Variants in KTN1 observed in about 807,000 individuals in gnomAD.
The protein encoded by KTN1 is kinectin.
In KTN1, 130 loss-of-function variants were observed where a neutral mutation model predicts 222.5. That is an observed-to-expected ratio of 0.58 (90% CI 0.51 to 0.68). The LOEUF (loss-of-function observed/expected upper bound fraction) is 0.68. KTN1 is among the 30% of genes least tolerant of loss of function. The pLI is 0.00. For synonymous variants in KTN1, 512 were observed against 496.3 expected (o/e 1.03, Z -0.42); for missense variants, 1,508 against 1,500.4 (o/e 1.01, Z -0.08).
chr14:55,621,035 G>A (rs542586166), intron 5 of KTN1, among the ~76,000 whole-genome samples: 6 of 152,126 alleles, frequency 3.9e-5, no homozygotes, highest in East Asian at 3.9e-4. Flanking sequence ...AATTTCTTCC[G>A]CCAGAGACCC....
In KTN1 at chr14:55,650,360, T is replaced by C; in HGVS notation, c.2438T>C (p.Val813Ala). 1 of 1,610,742 alleles carries C rather than the reference T, an allele frequency of 6.2e-7. No individual in the cohort carries two copies. The highest frequency in any genetic ancestry group is 8.5e-7 in the Non-Finnish European group (1 of 1,178,734). Residue 813 changes from valine (V) to alanine (A), a missense_variant, in exon 23 of 44, where the codon GTA becomes GCA. Physicochemically the swap from Val to Ala is moderately conservative, Grantham distance 64. Coordinates refer to ENST00000395314, the MANE Select transcript of KTN1 (RefSeq NM_001079521.2). ...IHEKDGKIKSVEELLEAELLK... is the reference protein window; with the variant it reads ...IHEKDGKIKSAEELLEAELLK... ...GAGAAAGATGGAAAGATCAAGTCTG[T>C]AGAAGAGCTTCTGGAGGCAGAACTT... is the stretch of plus-strand genomic sequence containing the variant.
intron 2 of KTN1, among the ~76,000 whole-genome samples, chr14:55,613,864 TAAAA>T (rs559496555): frequency 5.3e-5 from 8 of 151,982 alleles, no homozygotes; most frequent in African/African-American, 1.9e-4. Context: ...CGTAAGCCAG[TAAAA>T]AAAATGTGGT....
chr14:55,652,784 C>CT (rs1003098624), intron 25 of KTN1, 66 bp from the exon 26 acceptor site: 4 of 1,077,380 alleles, frequency 3.7e-6, no homozygotes, highest in East Asian at 2.4e-5. Flanking sequence ...TTTTCAGTGT[C>CT]TAAGATTTTT....
intron 25 of KTN1, among the ~76,000 whole-genome samples, chr14:55,652,332 G>T (rs186385406): frequency 8.6e-5 from 13 of 150,370 alleles, no homozygotes; most frequent in African/African-American, 2.9e-4. Flanking sequence ...TTCAGTGATA[G>T]AATGGTTTTC....
At position 55,618,032 on chromosome 14, in the gene KTN1, C is replaced by T; in HGVS notation, c.730C>T (p.Pro244Ser). The change falls in exon 4 of 44, where the codon CCT becomes TCT. Residue 244 changes from proline (P) to serine (S), a missense_variant. Transcript: ENST00000395314. ...TTTGATGGATAATGCTGACTCAAGT[C>T]CTGTGGTAGATAAGAGAGAGGTTAT... ...IPLMDNADSS[P>S]VVDKREVIDL... The T allele has an allele frequency of 6.2e-7, 1 of 1,612,218 alleles. No homozygotes were observed. Among genetic ancestry groups the T allele is most frequent in the Non-Finnish European group, 8.5e-7 (1 of 1,178,670 alleles).
chr14:55,583,107 A>G (rs2032107251), intron 1 of KTN1, among the ~76,000 whole-genome samples: 1 of 152,208 alleles, frequency 6.6e-6, no homozygotes, highest in South Asian at 2.1e-4. Flanking sequence ...TAAATAGAAA[A>G]TTAAACATTA....
intron 1 of KTN1, among the ~76,000 whole-genome samples, chr14:55,593,861 C>T (rs1473224014): frequency 6.6e-6 from 1 of 151,502 alleles, no homozygotes; most frequent in Non-Finnish European, 1.5e-5. Context: ...TTTTTGAAAC[C>T]TCTCTTTTTA....
chr14:55,611,587 G>C lies in KTN1; in HGVS notation c.-30-432G>C, dbSNP rs190641342. ...TCTTTTTGCGTGTGTGTGCATTTCAGAATATGACACTTTTAATGAATGTCC... is the reference window on the plus strand; with the variant it reads ...TCTTTTTGCGTGTGTGTGCATTTCACAATATGACACTTTTAATGAATGTCC... On this transcript the variant is annotated intron_variant, in intron 1 of 43. Transcript: ENST00000395314. Among the ~76,000 whole-genome samples, 240 of 152,198 alleles carry C rather than the reference G, an allele frequency of 1.6e-3. 2 individuals carry two copies. Among genetic ancestry groups the C allele is most frequent in the African/African-American group, 5.5e-3 (230 of 41,514 alleles).
At chr14:55,635,070 C>G (rs2040967017) in intron 9 of KTN1, among the ~76,000 whole-genome samples, 1 of 152,026 alleles carries the variant, frequency 6.6e-6, no homozygotes, top group Non-Finnish European at 1.5e-5. Flanking sequence ...CAATGCCTAA[C>G]CATATCAGTA....
Position 55,639,183 on chromosome 14 carries a change from A to G in KTN1, c.1786-2A>G. On this transcript the variant is annotated splice_acceptor_variant, in intron 12 of 43. Coordinates refer to ENST00000395314, the MANE Select transcript of KTN1 (RefSeq NM_001079521.2). LOFTEE classifies it high-confidence loss of function. ...TATGTTGACACTATTTTTCTTTCTT[A>G]GACCTCCGCTTCAGTTCTAGCAGAA... 6.3e-7 allele frequency: 1 copy of G among 1,598,284 alleles called. No homozygotes were observed. The highest frequency in any genetic ancestry group is 8.6e-7 in the Non-Finnish European group (1 of 1,166,336).
intron 34 of KTN1, among the ~76,000 whole-genome samples, chr14:55,669,560 T>C (rs1384561109): frequency 6.6e-5 from 10 of 151,982 alleles, no homozygotes; most frequent in Admixed American, 5.9e-4. Context: ...TGTTTCCTCT[T>C]GCTGTTTTGC....
chr14:55,627,223 A>G (rs1344628599), intron 5 of KTN1, among the ~76,000 whole-genome samples: 1 of 152,090 alleles, frequency 6.6e-6, no homozygotes, highest in Admixed American at 6.5e-5. Context: ...TTAAAACTGG[A>G]ATTCCTGTAG....
At chr14:55,588,440 C>G (rs1001209481) in intron 1 of KTN1, among the ~76,000 whole-genome samples, 3 of 152,096 alleles carry the variant, frequency 2.0e-5, no homozygotes, top group Non-Finnish European at 2.9e-5. Flanking sequence ...TGGCACTTGG[C>G]ATGGGTCTCA....
rs369370893 is a variant in KTN1, at chr14:55,642,477, A to T, written c.2172+717A>T. 5.3e-5 allele frequency among the ~76,000 whole-genome samples: 8 copies of T among 152,210 alleles called. No individual in the cohort carries two copies. In the East Asian group the frequency reaches 1.3e-3, roughly 26 times the overall value. On this transcript the variant is annotated intron_variant, in intron 18 of 43. Coordinates refer to ENST00000395314, the MANE Select transcript of KTN1 (RefSeq NM_001079521.2). ...GCCTATTCCTCAGTGCTGCCTTCGTACTCTTCTTCTACGCAGCTCTTACAA... is the reference window on the plus strand; with the variant it reads ...GCCTATTCCTCAGTGCTGCCTTCGTTCTCTTCTTCTACGCAGCTCTTACAA...
chr14:55,635,830 A>G (rs893841793), intron 9 of KTN1, among the ~76,000 whole-genome samples: 2 of 152,180 alleles, frequency 1.3e-5, no homozygotes, highest in African/African-American at 4.8e-5. Flanking sequence ...GTAGGAGTTA[A>G]AAAGGCTTCA....
chr14:55,588,505 A>C (rs562419315), intron 1 of KTN1, among the ~76,000 whole-genome samples: 28 of 152,332 alleles, frequency 1.8e-4, no homozygotes, highest in African/African-American at 5.3e-4. Context: ...AATATGCGAG[A>C]ACTATGATCA....
Position 55,652,883 on chromosome 14 carries a change from G to A in KTN1, c.2637G>A (p.Met879Ile), listed in dbSNP as rs757589325. ...GAAAAGAGGAACAGATGAATACCATGAAGGCTGTTTTGGAAGAGAAAGAGA... is the reference window on the plus strand; with the variant it reads ...GAAAAGAGGAACAGATGAATACCATAAAGGCTGTTTTGGAAGAGAAAGAGA... Reference protein sequence around the residue: ...LKGKEEQMNTMKAVLEEKEKD... With the variant: ...LKGKEEQMNTIKAVLEEKEKD... The change falls in exon 26 of 44, where the codon ATG (methionine) becomes ATA (isoleucine). Residue 879 changes from methionine to isoleucine, a missense_variant. Met to Ile is a conservative substitution (Grantham distance 10). Coordinates refer to ENST00000395314, the MANE Select transcript of KTN1 (RefSeq NM_001079521.2). The A allele has an allele frequency of 1.2e-6, 2 of 1,610,412 alleles. No homozygotes were observed. Among genetic ancestry groups the A allele is most frequent in the Admixed American group, 1.7e-5 (1 of 59,790 alleles).
intron 29 of KTN1, among the ~76,000 whole-genome samples, chr14:55,658,259 A>G (rs1430514079): frequency 6.6e-6 from 1 of 152,178 alleles, no homozygotes; most frequent in East Asian, 1.9e-4. Flanking sequence ...AAATGTTACT[A>G]GAGTTGAGGT....
intron 32 of KTN1, among the ~76,000 whole-genome samples, chr14:55,662,069 C>CT (rs71131302): frequency 0.027 from 3,538 of 129,630 alleles, 142 homozygotes; most frequent in African/African-American, 0.087. Flanking sequence ...TCCTCCTGCC[C>CT]TTTTTTTTTT....
Sources: gnomAD v4.1 joint callset for allele counts (sites outside exome capture counted in the v4.1 genomes callset) on GRCh38, gnomAD v4.1.1 for gene constraint, MANE v1.5 for transcripts, NCBI Gene and HGNC (gene_info 2026-07-23, HGNC 2026-07-21) for gene names.